Variants in ALDH7A1 observed in about 807,000 individuals in gnomAD.
ALDH7A1 encodes the protein alpha-aminoadipic semialdehyde dehydrogenase.
In ALDH7A1, 63 loss-of-function variants were observed where a neutral mutation model predicts 79.9. The ratio of observed to expected loss-of-function variants is 0.79; its 90% CI spans 0.64 to 0.97. ALDH7A1 has a LOEUF of 0.97. ALDH7A1 is among the 50% of genes least tolerant of loss of function. ALDH7A1 has a pLI of 0.00. For synonymous variants in ALDH7A1, 240 were observed against 231.2 expected (o/e 1.04, Z -0.34); for missense variants, 627 against 665.2 (o/e 0.94, Z 0.63).
intron 13 of ALDH7A1, 59 bp downstream of exon 13, chr5:126,554,228 G>A: frequency 6.9e-7 from 1 of 1,443,536 alleles, no homozygotes; most frequent in Non-Finnish European, 9.7e-7. Context: ...AGCCCTGCTT[G>A]TGTCTCAGGG....
intron 16 of ALDH7A1, among the ~76,000 whole-genome samples, chr5:126,547,466 C>T (rs559112040): frequency 6.6e-6 from 1 of 152,326 alleles, no homozygotes. Flanking sequence ...AGCTGGTACC[C>T]CACTGCCCTC....
At chr5:126,586,269 T>C (rs1751356602) in intron 3 of ALDH7A1, 1 of 152,258 alleles carries the variant, frequency 6.6e-6, no homozygotes, top group African/African-American at 2.4e-5. Flanking sequence ...ATTATATCAA[T>C]CAGCACATAA....
intron 16 of ALDH7A1, among the ~76,000 whole-genome samples, chr5:126,547,719 G>C (rs982306569): frequency 1.3e-5 from 2 of 152,140 alleles, no homozygotes; most frequent in Non-Finnish European, 2.9e-5. Flanking sequence ...TAGAAAAACT[G>C]ACATCAATTC....
intron 7 of ALDH7A1, among the ~76,000 whole-genome samples, chr5:126,574,942 A>C (rs1750915528): frequency 6.6e-6 from 1 of 152,162 alleles, no homozygotes; most frequent in South Asian, 2.1e-4. Context: ...CTCAAATATA[A>C]GTAAAGCATT....
Position 126,551,496 on chromosome 5 carries a change from G to GT in ALDH7A1, c.1317+524dup, listed in dbSNP as rs542136003. Among the ~76,000 whole-genome samples the GT allele has an allele frequency of 2.0e-3, 307 of 151,790 alleles. 1 individual carries two copies. The highest frequency in any genetic ancestry group is 5.0e-3 in the African/African-American group (205 of 41,408). On this transcript the variant is annotated intron_variant, in intron 14 of 17. Coordinates refer to ENST00000409134, the MANE Select transcript of ALDH7A1 (RefSeq NM_001182.5). ...AACACCACGCCTGGCTAATTTTTTTGTTTTTTAGTAGAGACGGGGTTTCAC... is the reference window on the plus strand; with the variant it reads ...AACACCACGCCTGGCTAATTTTTTTGTTTTTTTAGTAGAGACGGGGTTTCAC...
At position 126,555,991 on chromosome 5, in the gene ALDH7A1, C is replaced by T; in HGVS notation, c.1033G>A (p.Glu345Lys). ...GCCTTTTTAAGTCTGTTTACAACCT[C>T]ATCATGGATGCTTTCATGTATAAAC... ...RLFIHESIHD[E>K]VVNRLKKAYA... Residue 345 changes from glutamate to lysine, a missense_variant, in exon 12 of 18, where the codon GAG becomes AAG. Coordinates refer to ENST00000409134, the MANE Select transcript of ALDH7A1 (RefSeq NM_001182.5). 6.2e-7 allele frequency: 1 copy of T among 1,613,404 alleles called. No homozygotes were observed. Among genetic ancestry groups the T allele is most frequent in the Non-Finnish European group, 8.5e-7 (1 of 1,179,570 alleles).
At chr5:126,552,572 T>G (rs1392890489) in intron 13 of ALDH7A1, among the ~76,000 whole-genome samples, 1 of 151,016 alleles carries the variant, frequency 6.6e-6, no homozygotes, top group Non-Finnish European at 1.5e-5. Context: ...TTTTTTTGTA[T>G]TTTTAGTAGA....
Position 126,585,298 on chromosome 5 carries a change from CA to C in ALDH7A1, c.313-1287del, listed in dbSNP as rs548931762. Among the ~76,000 whole-genome samples, 6 of 151,762 alleles carry C rather than the reference CA, an allele frequency of 4.0e-5. No individual in the cohort carries two copies. In the East Asian group the frequency reaches 9.7e-4, roughly 25 times the overall value. On this transcript the variant is annotated intron_variant, in intron 3 of 17. Transcript: ENST00000409134. ...GGATGACAAGAGTGAAATTCTGTCTCAAAAAAAATAATAAAGTACAGGTAAA... is the reference window on the plus strand; with the variant it reads ...GGATGACAAGAGTGAAATTCTGTCTCAAAAAAATAATAAAGTACAGGTAAA...
chr5:126,593,991 A>G (rs1340130083), intron 1 of ALDH7A1: 3 of 294,448 alleles, frequency 1.0e-5, no homozygotes, highest in Non-Finnish European at 2.1e-5. Flanking sequence ...TGTTCCCTCT[A>G]CCAAGGCAGG....
In ALDH7A1 at chr5:126,595,167, T is replaced by A. The variant is rs754614105; in HGVS notation, c.32A>T (p.His11Leu). Residue 11 changes from histidine (H) to leucine (L), a missense_variant, in exon 1 of 18, where the codon CAC becomes CTC. By Grantham distance (99) the His-to-Leu change is moderately conservative (BLOSUM62 -3). Transcript: ENST00000409134. ...AGAGAGCTTGCTGGTCTTTGCAGCG[T>A]GCACACACAGCGCGCGAGGAAGGCG... MWRLPRALCV[H>L]AAKTSKLSGP... 1 of 1,554,666 alleles carries A rather than the reference T, an allele frequency of 6.4e-7. No individual in the cohort carries two copies. Among genetic ancestry groups the A allele is most frequent in the South Asian group, 1.2e-5 (1 of 84,466 alleles).
At chr5:126,552,560 A>AT (rs772818243) in intron 13 of ALDH7A1, among the ~76,000 whole-genome samples, 2 of 148,630 alleles carry the variant, frequency 1.3e-5, no homozygotes, top group South Asian at 2.2e-4. Flanking sequence ...GCCCAGCTAA[A>AT]TTTTTTTTGT....
intron 10 of ALDH7A1, among the ~76,000 whole-genome samples, chr5:126,560,075 G>C (rs1420297549): frequency 6.6e-6 from 1 of 152,060 alleles, no homozygotes; most frequent in African/African-American, 2.4e-5. Context: ...CTGTTGTAGG[G>C]ATTAAATGAA....
chr5:126,583,919 A>G lies in ALDH7A1; in HGVS notation c.393+13T>C. 1 of 1,607,420 alleles carries G rather than the reference A, an allele frequency of 6.2e-7. No homozygotes were observed. On this transcript the variant is annotated intron_variant, in intron 4 of 17. Transcript: ENST00000409134. ...ACTCAAAGAATTGTGTATATACTAC[A>G]AAAATACTTTACCAAGCTTCCTAGT... is the stretch of plus-strand genomic sequence containing the variant.
At chr5:126,547,769 C>T (rs1169912559) in intron 16 of ALDH7A1, among the ~76,000 whole-genome samples, 1 of 152,110 alleles carries the variant, frequency 6.6e-6, no homozygotes, top group African/African-American at 2.4e-5. Flanking sequence ...AAAAGAATCT[C>T]GGCCAGGTAC....
At chr5:126,575,385 C>G in intron 7 of ALDH7A1, 35 bp downstream of exon 7, 1 of 1,603,648 alleles carries the variant, frequency 6.2e-7, no homozygotes, top group Non-Finnish European at 8.5e-7. Flanking sequence ...CAATATTATT[C>G]CATACCCAGG....
chr5:126,562,863 T>C (rs1173444697), intron 9 of ALDH7A1, among the ~76,000 whole-genome samples: 3 of 152,132 alleles, frequency 2.0e-5, no homozygotes, highest in Admixed American at 6.5e-5. Flanking sequence ...TTGTAGACAT[T>C]ATGTTAAGTG....
chr5:126,580,059 G>A (rs191799633), intron 5 of ALDH7A1: 62 of 167,702 alleles, frequency 3.7e-4, no homozygotes, highest in Admixed American at 1.1e-3. Flanking sequence ...GCTTGCACAT[G>A]TACATATCCC....
chr5:126,585,487 C>T (rs576943621), intron 3 of ALDH7A1, among the ~76,000 whole-genome samples: 1 of 152,212 alleles, frequency 6.6e-6, no homozygotes, highest in African/African-American at 2.4e-5. Context: ...AAGTGTATCA[C>T]TGTCTCTTAG....
At chr5:126,559,793 C>A (rs4835912) in intron 10 of ALDH7A1, among the ~76,000 whole-genome samples, 101,310 of 152,014 alleles carry the variant, frequency 0.67, 34,246 homozygotes, top group Admixed American at 0.76. Flanking sequence ...TAACCATATG[C>A]ACGTTACGAA....
Sources: allele counts gnomAD v4.1 joint callset (sites outside exome capture counted in the v4.1 genomes callset), GRCh38; gene constraint gnomAD v4.1.1; transcripts MANE v1.5; gene names NCBI Gene and HGNC (gene_info 2026-07-23, HGNC 2026-07-21).